Variants in B3GAT2 observed in about 807,000 individuals in gnomAD.
The protein encoded by B3GAT2 is beta-1,3-glucuronyltransferase 2.
Under a neutral mutation model 27.8 loss-of-function variants are expected in B3GAT2, and 26 were observed. The observed-to-expected ratio is 0.93, with a 90% CI of 0.68 to 1.30. The LOEUF (loss-of-function observed/expected upper bound fraction) is 1.30. Ranked by LOEUF, B3GAT2 falls within the 50% of genes most tolerant of loss-of-function variation. B3GAT2 has a pLI of 0.00. For synonymous variants in B3GAT2, 218 were observed against 195.1 expected (o/e 1.12, Z -0.98); for missense variants, 458 against 459.0 (o/e 1.00, Z 0.02).
In B3GAT2 at chr6:70,859,513, GTA is replaced by G; in HGVS notation, c.*2148_*2149del. ...AAACTGTAAATAAGTCAAGTCAAAT[GTA>G]TTAAATTAAGAACACAGTCTAACTC... is the stretch of plus-strand genomic sequence containing the variant. On this transcript the variant is annotated 3_prime_UTR_variant, in exon 4 of 4. Coordinates refer to ENST00000230053, the MANE Select transcript of B3GAT2 (RefSeq NM_080742.3). The G allele has an allele frequency of 1.3e-6, 1 of 757,448 alleles. No homozygotes were observed. Among genetic ancestry groups the G allele is most frequent in the Non-Finnish European group, 2.1e-6 (1 of 476,446 alleles). The allele number at this position is 757,448 out of a possible 1,614,324, so 46.9% of individuals were successfully genotyped here.
chr6:70,898,341 T>C (rs1172320833), intron 1 of B3GAT2, among the ~76,000 whole-genome samples: 4 of 152,128 alleles, frequency 2.6e-5, no homozygotes, highest in Non-Finnish European at 5.9e-5. Flanking sequence ...TCCCCATAGG[T>C]GGGACAAAAA....
intron 1 of B3GAT2, among the ~76,000 whole-genome samples, chr6:70,948,840 G>A (rs576628207): frequency 6.3e-4 from 96 of 152,200 alleles, no homozygotes; most frequent in African/African-American, 1.5e-3. Flanking sequence ...TATACTACAA[G>A]GCTACAGTTA....
At chr6:70,927,639 T>C (rs575727643) in intron 1 of B3GAT2, among the ~76,000 whole-genome samples, 5 of 152,244 alleles carry the variant, frequency 3.3e-5, no homozygotes, top group Admixed American at 2.6e-4. Flanking sequence ...ATCCTAAATA[T>C]ATATGCACCC....
intron 1 of B3GAT2, among the ~76,000 whole-genome samples, chr6:70,937,869 T>C (rs546212284): frequency 1.7e-3 from 256 of 152,166 alleles, no homozygotes; most frequent in South Asian, 4.2e-3. Flanking sequence ...CTCTCACCAC[T>C]CCTATTCAAC....
At position 70,860,720 on chromosome 6, in the gene B3GAT2, C is replaced by T. The variant is rs541283840; in HGVS notation, c.*943G>A. The T allele has an allele frequency of 1.1e-4, 44 of 403,286 alleles. No individual in the cohort carries two copies. The highest frequency in any genetic ancestry group is 8.8e-4 in the African/African-American group (43 of 48,790). The allele number at this position is 403,286 out of a possible 1,614,324, so 25.0% of individuals were successfully genotyped here. ...CCCACCCCAAAATTAGCCAGTAATC[C>T]TGTAGGAAGGTACTGTATGATCAAA... is the stretch of plus-strand genomic sequence containing the variant. On this transcript the variant is annotated 3_prime_UTR_variant, in exon 4 of 4. Coordinates refer to ENST00000230053, the MANE Select transcript of B3GAT2 (RefSeq NM_080742.3).
At chr6:70,886,897 C>T (rs1177518543) in intron 2 of B3GAT2, among the ~76,000 whole-genome samples, 2 of 152,150 alleles carry the variant, frequency 1.3e-5, no homozygotes, top group Non-Finnish European at 2.9e-5. Flanking sequence ...GTTGTTGGGA[C>T]AGAATTACCA....
At chr6:70,880,921 C>A (rs191113933) in intron 2 of B3GAT2, among the ~76,000 whole-genome samples, 2 of 152,102 alleles carry the variant, frequency 1.3e-5, no homozygotes, top group Non-Finnish European at 2.9e-5. Context: ...CTCCTGCCTT[C>A]GCCTTCCAAA....
rs370005384 is a variant in B3GAT2, at chr6:70,878,370, T to C, written c.736+15758A>G. Among the ~76,000 whole-genome samples, 13 of 152,290 alleles carry C rather than the reference T, an allele frequency of 8.5e-5. No homozygotes were observed. In the East Asian group the frequency reaches 1.2e-3, roughly 14 times the overall value. ...ACAATGGCTGATGAATGCTGTACTT[T>C]TGTAGTATACATAGTTTCCGTCAAT... On this transcript the variant is annotated intron_variant, in intron 2 of 3. Transcript: ENST00000230053.
Position 70,956,766 on chromosome 6 carries a change from G to C in B3GAT2, c.-337C>G, listed in dbSNP as rs1453839329. The C allele has an allele frequency of 5.0e-6, 6 of 1,201,240 alleles. No individual in the cohort carries two copies. Among genetic ancestry groups the C allele is most frequent in the Non-Finnish European group, 6.2e-6 (6 of 964,292 alleles). 74.4% of individuals were successfully genotyped at this position (1,201,240 alleles called of 1,614,324 possible). On this transcript the variant is annotated 5_prime_UTR_variant, in exon 1 of 4. Transcript: ENST00000230053. ...TGCGGGAAAGGCGCTGATCCCCACCGCGCTCTTTCTGAAGAGTGGAAGCCG... is the reference window on the plus strand; with the variant it reads ...TGCGGGAAAGGCGCTGATCCCCACCCCGCTCTTTCTGAAGAGTGGAAGCCG...
intron 2 of B3GAT2, among the ~76,000 whole-genome samples, chr6:70,893,736 G>A (rs2150031404): frequency 6.6e-6 from 1 of 152,080 alleles, no homozygotes; most frequent in African/African-American, 2.4e-5. Flanking sequence ...CAATAAACAT[G>A]ATATATTTTA....
rs1372574981 is a variant in B3GAT2, at chr6:70,858,548, C to T, written c.*3115G>A. 18 of 202,870 alleles carry T rather than the reference C, an allele frequency of 8.9e-5. No individual in the cohort carries two copies. Among genetic ancestry groups the T allele is most frequent in the Non-Finnish European group, 1.6e-4 (16 of 100,928 alleles). 12.6% of individuals were successfully genotyped at this position (202,870 alleles called of 1,614,324 possible). ...TCTCAGGCATCATGAGACTCCCTCT[C>T]TGTCACCTCTGAGATTAGCACTAAG... is the stretch of plus-strand genomic sequence containing the variant. On this transcript the variant is annotated 3_prime_UTR_variant, in exon 4 of 4. Coordinates refer to ENST00000230053, the MANE Select transcript of B3GAT2 (RefSeq NM_080742.3).
chr6:70,860,135 G>GT lies in B3GAT2; in HGVS notation c.*1527_*1528insA. On this transcript the variant is annotated 3_prime_UTR_variant, in exon 4 of 4. Coordinates refer to ENST00000230053, the MANE Select transcript of B3GAT2 (RefSeq NM_080742.3). ...TAATGAAAAAATGACCAACTGTGTGGCTAAAGAAACAAGAATTAAAAGTGA... is the reference window on the plus strand; with the variant it reads ...TAATGAAAAAATGACCAACTGTGTGGTCTAAAGAAACAAGAATTAAAAGTGA... The GT allele has an allele frequency of 6.7e-7, 1 of 1,500,012 alleles. No homozygotes were observed. The highest frequency in any genetic ancestry group is 1.8e-4 in the Middle Eastern group (1 of 5,570). The allele number at this position is 1,500,012 out of a possible 1,614,324, so 92.9% of individuals were successfully genotyped here. A position where few individuals can be genotyped will look rare whatever the true frequency, so the allele number is the denominator to read the frequency against.
At chr6:70,935,328 C>T (rs1483824827) in intron 1 of B3GAT2, among the ~76,000 whole-genome samples, 1 of 151,972 alleles carries the variant, frequency 6.6e-6, no homozygotes, top group Non-Finnish European at 1.5e-5. Context: ...GTGGCATGTG[C>T]CTGTAGTCCC....
chr6:70,893,085 C>T (rs967559955), intron 2 of B3GAT2, among the ~76,000 whole-genome samples: 9 of 152,174 alleles, frequency 5.9e-5, no homozygotes, highest in East Asian at 3.9e-4. Flanking sequence ...TCCTCTCCCA[C>T]GATGCCATGT....
intron 1 of B3GAT2, among the ~76,000 whole-genome samples, chr6:70,899,519 A>G (rs1391109943): frequency 6.6e-6 from 1 of 152,210 alleles, no homozygotes; most frequent in African/African-American, 2.4e-5. Context: ...AATGCAGATG[A>G]CGTGGCGGGA....
At chr6:70,922,915 C>A (rs1221849379) in intron 1 of B3GAT2, among the ~76,000 whole-genome samples, 1 of 152,224 alleles carries the variant, frequency 6.6e-6, no homozygotes, top group Non-Finnish European at 1.5e-5. Flanking sequence ...AGATCCACCA[C>A]TAATTAGCTG....
chr6:70,918,282 C>G (rs940094671), intron 1 of B3GAT2, among the ~76,000 whole-genome samples: 2 of 152,110 alleles, frequency 1.3e-5, no homozygotes, highest in African/African-American at 2.4e-5. Context: ...TTTATTTGAG[C>G]CTATGTGTGT....
chr6:70,920,751 A>AT (rs1361264834), intron 1 of B3GAT2, among the ~76,000 whole-genome samples: 2 of 152,148 alleles, frequency 1.3e-5, no homozygotes, highest in East Asian at 3.9e-4. Context: ...CCTTAAGTAT[A>AT]TTTTTGTGGT....
At chr6:70,865,415 G>A (rs939642384) in intron 2 of B3GAT2, among the ~76,000 whole-genome samples, 1 of 152,218 alleles carries the variant, frequency 6.6e-6, no homozygotes, top group African/African-American at 2.4e-5. Flanking sequence ...ACAGCAGCCA[G>A]TCAAAATAAT....
Sources: allele counts gnomAD v4.1 joint callset (sites outside exome capture counted in the v4.1 genomes callset), GRCh38; gene constraint gnomAD v4.1.1; transcripts MANE v1.5; gene names NCBI Gene and HGNC (gene_info 2026-07-23, HGNC 2026-07-21).